The following ACYP2 variants were observed in gnomAD, a reference collection of about 807,000 sequenced individuals.
The protein encoded by ACYP2 is acylphosphatase 2, also known as acylphosphatase-2.
In ACYP2, 12 loss-of-function variants were observed where a neutral mutation model predicts 11.2. That is an observed-to-expected ratio of 1.08 (90% CI 0.69 to 1.74). The LOEUF (loss-of-function observed/expected upper bound fraction) is 1.74. ACYP2 is among the 40% of genes most tolerant of loss of function. The pLI, the probability that ACYP2 is intolerant of heterozygous loss-of-function variation, is 0.00. For synonymous variants in ACYP2, 43 were observed against 32.2 expected, an observed-to-expected ratio of 1.33 and a Z score of -1.13; for missense variants, 134 against 101.9, an observed-to-expected ratio of 1.31 and a Z score of -1.35.
chr2:53,996,173 G>C (rs550408272), intron 2 of ACYP2, among the ~76,000 whole-genome samples: 5 of 152,100 alleles, frequency 3.3e-5, no homozygotes, highest in Non-Finnish European at 7.4e-5. Context: ...TGTACAAACG[G>C]CTATTCTAGG....
At chr2:54,050,755 A>G (rs1198843820) in intron 2 of ACYP2, among the ~76,000 whole-genome samples, 6 of 151,924 alleles carry the variant, frequency 3.9e-5, no homozygotes, top group Non-Finnish European at 8.8e-5. Context: ...CACTTATCAA[A>G]TTCCTTTGTC....
chr2:53,982,327 A>C (rs991784003), intron 2 of ACYP2, among the ~76,000 whole-genome samples: 4 of 152,228 alleles, frequency 2.6e-5, no homozygotes, highest in Non-Finnish European at 4.4e-5. Flanking sequence ...TGAAATTTAC[A>C]GACACATAAA....
rs978549033 is a variant in ACYP2, at chr2:54,257,174, G to C, written c.405-47514G>C. Among the ~76,000 whole-genome samples, 8 of 152,008 alleles carry C rather than the reference G, an allele frequency of 5.3e-5. No homozygotes were observed. The South Asian group carries it at 1.7e-3, about 32-fold the overall frequency. ...GGATCAGTTGAGCCTAGGAGTTGGA[G>C]ACCAGCCTGGGCAACACAGCAAGAC... On this transcript the variant is annotated intron_variant, in intron 6 of 6. Transcript: ENST00000607452.
chr2:54,130,047 T>C (rs962243019), intron 4 of ACYP2, among the ~76,000 whole-genome samples: 4 of 152,070 alleles, frequency 2.6e-5, no homozygotes, highest in African/African-American at 9.7e-5. Context: ...GGTCTAGGTG[T>C]TGGGGACACA....
chr2:54,036,221 C>T (rs1050540720), intron 2 of ACYP2, among the ~76,000 whole-genome samples: 4 of 152,142 alleles, frequency 2.6e-5, no homozygotes, highest in African/African-American at 9.7e-5. Context: ...CAGCTCCACA[C>T]GTAGCTGGGA....
intron 2 of ACYP2, among the ~76,000 whole-genome samples, chr2:53,984,857 A>G (rs1041693022): frequency 1.3e-5 from 2 of 151,788 alleles, no homozygotes; most frequent in Non-Finnish European, 1.5e-5. Flanking sequence ...CATGATAACA[A>G]TTTTTATCAA....
chr2:54,166,548 T>A (rs1682983239), intron 6 of ACYP2, among the ~76,000 whole-genome samples: 2 of 152,168 alleles, frequency 1.3e-5, no homozygotes, highest in African/African-American at 2.4e-5. Flanking sequence ...TACTGTGACT[T>A]TAAAAAAATT....
intron 6 of ACYP2, among the ~76,000 whole-genome samples, chr2:54,180,489 G>A (rs534732998): frequency 3.0e-4 from 45 of 152,210 alleles, no homozygotes; most frequent in East Asian, 9.6e-4. Context: ...ACATCACTTC[G>A]GAGATTCTGA....
chr2:54,119,269 C>T (rs1172044539), intron 4 of ACYP2, among the ~76,000 whole-genome samples: 1 of 151,684 alleles, frequency 6.6e-6, no homozygotes, highest in Non-Finnish European at 1.5e-5. Flanking sequence ...GTTGACTAGG[C>T]TGGTTTTGAA....
In ACYP2 at chr2:54,221,802, A is replaced by G. The variant is rs536059204; in HGVS notation, c.405-82886A>G. ...CTCCCACAGTGCTGGGATTATAGAC[A>G]TAAGCCACCACACCCCGCCAGAATA... On this transcript the variant is annotated intron_variant, in intron 6 of 6. Coordinates refer to ENST00000607452, the MANE Select transcript of ACYP2 (RefSeq NM_001320586.2). 2.6e-5 allele frequency among the ~76,000 whole-genome samples: 4 copies of G among 152,266 alleles called. No homozygotes were observed. In the East Asian group the frequency reaches 5.8e-4, roughly 22 times the overall value.
At chr2:54,102,015 A>G (rs1001542752) in intron 4 of ACYP2, among the ~76,000 whole-genome samples, 5 of 152,316 alleles carry the variant, frequency 3.3e-5, no homozygotes, top group Admixed American at 1.3e-4. Flanking sequence ...AATGTCATGT[A>G]TTCACCATTA....
intron 6 of ACYP2, among the ~76,000 whole-genome samples, chr2:54,201,108 CTTT>C (rs757159071): frequency 5.1e-5 from 4 of 78,002 alleles, no homozygotes; most frequent in Admixed American, 1.1e-4. Context: ...TTCTCTCTCT[CTTT>C]TTTTTTTTTT....
chr2:54,265,672 A>C (rs1361130980), intron 6 of ACYP2, among the ~76,000 whole-genome samples: 1 of 152,226 alleles, frequency 6.6e-6, no homozygotes, highest in African/African-American at 2.4e-5. Flanking sequence ...GGTGATATGA[A>C]GATTAATTAA....
chr2:54,301,095 A>T (rs1264905177), intron 6 of ACYP2, among the ~76,000 whole-genome samples: 1 of 152,224 alleles, frequency 6.6e-6, no homozygotes, highest in East Asian at 1.9e-4. Flanking sequence ...TTAATTTTCA[A>T]GTACCATTTG....
chr2:54,056,062 C>G (rs1453920331), intron 3 of ACYP2, among the ~76,000 whole-genome samples: 1 of 152,142 alleles, frequency 6.6e-6, no homozygotes, highest in African/African-American at 2.4e-5. Flanking sequence ...CAAAATGCTG[C>G]TTTTTCTGGA....
chr2:54,078,062 C>A (rs1467468267), intron 4 of ACYP2, among the ~76,000 whole-genome samples: 1 of 151,684 alleles, frequency 6.6e-6, no homozygotes, highest in Non-Finnish European at 1.5e-5. Context: ...CTCGGCCTCC[C>A]AGGCCTCCTG....
intron 2 of ACYP2, among the ~76,000 whole-genome samples, chr2:54,048,542 C>T (rs1053414157): frequency 7.9e-5 from 12 of 152,196 alleles, no homozygotes; most frequent in African/African-American, 2.9e-4. Flanking sequence ...CAGTCTTGCT[C>T]TGTCACCCCA....
chr2:54,064,482 C>T (rs563650965), intron 4 of ACYP2, among the ~76,000 whole-genome samples: 2 of 152,208 alleles, frequency 1.3e-5, no homozygotes, highest in South Asian at 2.1e-4. Context: ...AAATTTCTTT[C>T]TTGTCTGAAT....
At chr2:54,288,866 C>G (rs1259790847) in intron 6 of ACYP2, among the ~76,000 whole-genome samples, 3 of 151,984 alleles carry the variant, frequency 2.0e-5, no homozygotes, top group Non-Finnish European at 4.4e-5. Flanking sequence ...CAAGTCCAAA[C>G]TGCACTTTGT....
Sources: gnomAD v4.1 joint callset for allele counts (sites outside exome capture counted in the v4.1 genomes callset) on GRCh38, gnomAD v4.1.1 for gene constraint, MANE v1.5 for transcripts, NCBI Gene and HGNC (gene_info 2026-07-23, HGNC 2026-07-21) for gene names.